CSGALNACT1: variants seen among roughly 807,000 people sequenced by gnomAD.
CSGALNACT1 encodes chondroitin sulfate N-acetylgalactosaminyltransferase 1.
CSGALNACT1 carries 52 observed loss-of-function variants against 51.0 expected under a neutral mutation model. That is an observed-to-expected ratio of 1.02 (90% CI 0.82 to 1.29). The LOEUF is 1.29. Ranked by LOEUF, CSGALNACT1 falls within the 50% of genes most tolerant of loss-of-function variation. The pLI, the probability that CSGALNACT1 is intolerant of heterozygous loss-of-function variation, is 0.00. For missense variants in CSGALNACT1, 935 were observed against 679.2 expected, an observed-to-expected ratio of 1.38 and a Z score of -4.19; for synonymous variants, 341 against 254.4, an observed-to-expected ratio of 1.34 and a Z score of -3.24.
intron 3 of CSGALNACT1, among the ~76,000 whole-genome samples, chr8:19,532,705 C>A (rs1772888741): frequency 6.6e-6 from 1 of 152,130 alleles, no homozygotes; most frequent in Non-Finnish European, 1.5e-5. Context: ...GCAGAAGGTG[C>A]CTGAAGAGGT....
chr8:19,594,574 G>A (rs1257933491), intron 2 of CSGALNACT1, among the ~76,000 whole-genome samples: 1 of 152,152 alleles, frequency 6.6e-6, no homozygotes, highest in East Asian at 1.9e-4. Context: ...TTTAGGTCGT[G>A]ACTCAAATTA....
At chr8:19,484,968 G>A (rs913189186) in intron 4 of CSGALNACT1, among the ~76,000 whole-genome samples, 2 of 152,030 alleles carry the variant, frequency 1.3e-5, no homozygotes, top group African/African-American at 4.8e-5. Context: ...CAAGGAGAGA[G>A]CCCTCCGAAA....
chr8:19,503,315 A>G (rs1244419524), intron 4 of CSGALNACT1, among the ~76,000 whole-genome samples: 1 of 152,206 alleles, frequency 6.6e-6, no homozygotes, highest in Non-Finnish European at 1.5e-5. Context: ...TCTCTAAAAG[A>G]AGGTCAGCCA....
At chr8:19,420,347 T>C (rs377448133) in exon 7 of CSGALNACT1, 8 of 1,613,956 alleles carry the variant, frequency 5.0e-6, no homozygotes, top group South Asian at 1.1e-5. Context: ...TACCTGGCTG[T>C]GTATTCAGCC....
At chr8:19,739,299 C>T (rs773305847) in intron 1 of CSGALNACT1, among the ~76,000 whole-genome samples, 1 of 151,912 alleles carries the variant, frequency 6.6e-6, no homozygotes, top group African/African-American at 2.4e-5. Context: ...GACATTGACT[C>T]TAAAGAAGAT....
At chr8:19,577,558 CAAA>C (rs11325332) in intron 3 of CSGALNACT1, among the ~76,000 whole-genome samples, 2 of 147,488 alleles carry the variant, frequency 1.4e-5, no homozygotes, top group South Asian at 4.3e-4. Context: ...GACCCTATCT[CAAA>C]AAAAAAAAAA....
At chr8:19,688,332 G>A (rs1423459802) in intron 1 of CSGALNACT1, among the ~76,000 whole-genome samples, 1 of 152,096 alleles carries the variant, frequency 6.6e-6, no homozygotes, top group Non-Finnish European at 1.5e-5. Context: ...CCATCCACAT[G>A]GGAGATTGAT....
chr8:19,616,507 A>G (rs771561422), intron 1 of CSGALNACT1, among the ~76,000 whole-genome samples: 5 of 152,138 alleles, frequency 3.3e-5, no homozygotes, highest in Non-Finnish European at 7.4e-5. Context: ...TATAGTTTAG[A>G]CATTTGCGCC....
At chr8:19,731,954 T>C (rs1399082770) in intron 1 of CSGALNACT1, among the ~76,000 whole-genome samples, 1 of 152,254 alleles carries the variant, frequency 6.6e-6, no homozygotes, top group Non-Finnish European at 1.5e-5. Flanking sequence ...TTCAATTATG[T>C]ATGGCATTAG....
intron 1 of CSGALNACT1, among the ~76,000 whole-genome samples, chr8:19,725,347 G>C (rs2154242036): frequency 6.6e-6 from 1 of 152,126 alleles, no homozygotes; most frequent in Non-Finnish European, 1.5e-5. Context: ...AAAGTAGCTT[G>C]GTAAATAAGA....
intron 4 of CSGALNACT1, among the ~76,000 whole-genome samples, chr8:19,464,782 C>G (rs1189201370): frequency 6.6e-6 from 1 of 152,144 alleles, no homozygotes; most frequent in African/African-American, 2.4e-5. Context: ...ACCACCTTCC[C>G]CTTGTTGTGG....
At chr8:19,612,960 A>G (rs2052489234) in intron 1 of CSGALNACT1, among the ~76,000 whole-genome samples, 1 of 137,634 alleles carries the variant, frequency 7.3e-6, no homozygotes, top group African/African-American at 3.0e-5. Flanking sequence ...AAAAAAAAAA[A>G]AAAAAAAAAA....
intron 4 of CSGALNACT1, among the ~76,000 whole-genome samples, chr8:19,493,559 A>G (rs1167851201): frequency 6.6e-6 from 1 of 152,248 alleles, no homozygotes; most frequent in Non-Finnish European, 1.5e-5. Flanking sequence ...TGATTTGCCT[A>G]TGCTGGACAT....
chr8:19,751,756 TG>T (rs992147436), intron 1 of CSGALNACT1, among the ~76,000 whole-genome samples: 1 of 152,068 alleles, frequency 6.6e-6, no homozygotes, highest in Non-Finnish European at 1.5e-5. Flanking sequence ...TTTGCAAGTG[TG>T]TAGCACTTCC....
intron 3 of CSGALNACT1, among the ~76,000 whole-genome samples, chr8:19,581,605 AAAAAC>A (rs901335326): frequency 2.0e-5 from 3 of 152,154 alleles, no homozygotes; most frequent in Non-Finnish European, 4.4e-5. Flanking sequence ...GACTCTGTCT[AAAAAC>A]AAAACAAAAC....
chr8:19,656,464 C>T (rs1399998812), intron 1 of CSGALNACT1, among the ~76,000 whole-genome samples: 1 of 151,902 alleles, frequency 6.6e-6, no homozygotes, highest in Non-Finnish European at 1.5e-5. Context: ...TATAGAGGAA[C>T]CCACCTTCGA....
intron 3 of CSGALNACT1, among the ~76,000 whole-genome samples, chr8:19,553,718 G>A (rs1445869177): frequency 6.8e-6 from 1 of 147,864 alleles, no homozygotes; most frequent in Non-Finnish European, 1.5e-5. Context: ...AACCAGTGAG[G>A]GATTTTAAAT....
intron 3 of CSGALNACT1, among the ~76,000 whole-genome samples, chr8:19,583,634 A>C (rs1275560043): frequency 2.0e-5 from 3 of 152,210 alleles, no homozygotes; most frequent in African/African-American, 7.2e-5. Context: ...AGAGAAGTAC[A>C]TTCAATTTTC....
chr8:19,596,218 T>C (rs1233594258), intron 2 of CSGALNACT1, among the ~76,000 whole-genome samples: 1 of 152,112 alleles, frequency 6.6e-6, no homozygotes, highest in Admixed American at 6.6e-5. Flanking sequence ...AGAAACTGAC[T>C]GAAAAGAGAG....
Sources: allele counts gnomAD v4.1 joint callset (sites outside exome capture counted in the v4.1 genomes callset), GRCh38; gene constraint gnomAD v4.1.1; transcripts MANE v1.5; gene names NCBI Gene and HGNC (gene_info 2026-07-23, HGNC 2026-07-21).